Variants in TSPAN1 observed in about 807,000 individuals in gnomAD.
TSPAN1 encodes the protein tetraspanin 1.
A neutral mutation model predicts 26.9 loss-of-function variants in TSPAN1; 23 were observed. That is an observed-to-expected ratio of 0.85 (90% CI 0.62 to 1.21). The LOEUF is 1.21. Ranked by LOEUF, TSPAN1 falls within the 50% of genes most tolerant of loss-of-function variation. TSPAN1 has a pLI of 0.00. For missense variants in TSPAN1, 283 were observed against 298.4 expected, an observed-to-expected ratio of 0.95 and a Z score of 0.38; for synonymous variants, 115 against 114.8, an observed-to-expected ratio of 1.00 and a Z score of -0.01.
chr1:46,194,615 G>A, the TSPAN1 span: 1 of 1,614,102 alleles, frequency 6.2e-7, no homozygotes, highest in African/African-American at 1.3e-5. Flanking sequence ...GGAAGAGAGG[G>A]CAGGTGATTT....
At chr1:46,194,820 G>C in the TSPAN1 span, 20 of 1,613,784 alleles carry the variant, frequency 1.2e-5, no homozygotes, top group Admixed American at 3.2e-4. Flanking sequence ...ATACTACAGA[G>C]TGGATGGCCT....
chr1:46,195,886 T>C, the TSPAN1 span: 1 of 1,613,472 alleles, frequency 6.2e-7, no homozygotes, highest in East Asian at 2.2e-5. Flanking sequence ...CCTCATGAGG[T>C]GAGTACGTGT....
the TSPAN1 span, chr1:46,195,853 G>A: frequency 1.3e-5 from 21 of 1,612,010 alleles, no homozygotes; most frequent in East Asian, 4.7e-4. Flanking sequence ...CTACCATGTT[G>A]AGGAATAGCA....
chr1:46,190,041 G>A (rs560169114), downstream of TSPAN1: 5 of 1,604,686 alleles, frequency 3.1e-6, no homozygotes, highest in East Asian at 6.7e-5. Context: ...CTTCATGGGT[G>A]TGTCCCACAG....
rs973140005 is a variant in TSPAN1 at position 46,185,501 on chromosome 1, G to T, written c.694G>T (p.Val232Leu). 1.1e-5 allele frequency: 17 copies of T among 1,614,060 alleles called. No individual in the cohort carries two copies. Among genetic ancestry groups the T allele is most frequent in the Non-Finnish European group, 1.4e-5 (17 of 1,180,040 alleles). ...CCCTCTCCAGCTGGCTGCCATGATTGTGTCCATGTATCTGTACTGCAATCT... is the reference window on the plus strand; with the variant it reads ...CCCTCTCCAGCTGGCTGCCATGATTTTGTCCATGTATCTGTACTGCAATCT... ...IGGLELAAMI[V>L]SMYLYCNLQ The change falls in exon 9 of 9, where the codon GTG becomes TTG. Residue 232 changes from valine (V) to leucine (L), a missense_variant. By Grantham distance (32) the Val-to-Leu change is conservative (BLOSUM62 1). Coordinates refer to ENST00000372003, the MANE Select transcript of TSPAN1 (RefSeq NM_005727.4).
Position 46,175,418 on chromosome 1 carries a change from T to C in TSPAN1, c.-142+9T>C, listed in dbSNP as rs148897854. ...CACTGAAGCCTTTCCCTGTAAGTAT[T>C]CAGCCATAACCCTCCCCTCACGCCC... On this transcript the variant is annotated intron_variant, in intron 1 of 8. Transcript: ENST00000372003. The C allele has an allele frequency of 1.2e-3, 460 of 393,410 alleles. 6 individuals are homozygous for C. The East Asian group carries it at 0.016, about 14-fold the overall frequency. The allele number at this position is 393,410 out of a possible 1,614,324, so 24.4% of individuals were successfully genotyped here.
chr1:46,189,657 C>A, downstream of TSPAN1: 1 of 1,555,424 alleles, frequency 6.4e-7, no homozygotes, highest in Non-Finnish European at 8.7e-7. Context: ...CCCACCCCTC[C>A]TCAGAAACCA....
intron 1 of TSPAN1, chr1:46,176,581 G>T: frequency 7.5e-7 from 1 of 1,333,988 alleles, no homozygotes; most frequent in Non-Finnish European, 1.0e-6. Context: ...ATTACAAGTC[G>T]TGGGCCCTGG....
chr1:46,182,286 C>A, intron 3 of TSPAN1, among the ~76,000 whole-genome samples: 1 of 7,228 alleles, frequency 1.4e-4, no homozygotes, highest in African/African-American at 1.9e-4. Flanking sequence ...CTGGGAAACC[C>A]AATTTATTAG....
chr1:46,194,616 C>T, the TSPAN1 span: 5 of 1,614,068 alleles, frequency 3.1e-6, no homozygotes, highest in Admixed American at 8.3e-5. Flanking sequence ...GAAGAGAGGG[C>T]AGGTGATTTA....
At chr1:46,192,721 A>G in the TSPAN1 span, 1 of 1,597,316 alleles carries the variant, frequency 6.3e-7, no homozygotes, top group East Asian at 2.2e-5. Flanking sequence ...CCAAATCCCC[A>G]CTGTCTCCAT....
At position 46,184,217 on chromosome 1, in the gene TSPAN1, G is replaced by A. The variant is rs778049487; in HGVS notation, c.84G>A (p.Val28=). The A allele has an allele frequency of 1.2e-6, 2 of 1,614,190 alleles. No homozygotes were observed. The highest frequency in any genetic ancestry group is 2.2e-5 in the South Asian group (2 of 91,074). The change falls in exon 4 of 9, where the codon GTG becomes GTA. Residue 28 remains valine, a synonymous_variant. Coordinates refer to ENST00000372003, the MANE Select transcript of TSPAN1 (RefSeq NM_005727.4). ...IFLCGAALLA[V]GIWVSIDGAS... is the part of the protein sequence containing the mutation. Reference sequence around the variant, plus strand: ...TGTGTGGTGCAGCCCTGTTGGCAGTGGGCATCTGGGTGTCAATCGATGGGG... The same window carrying A: ...TGTGTGGTGCAGCCCTGTTGGCAGTAGGCATCTGGGTGTCAATCGATGGGG...
intron 1 of TSPAN1, among the ~76,000 whole-genome samples, chr1:46,180,315 C>T (rs867017501): frequency 1.3e-5 from 2 of 152,180 alleles, no homozygotes; most frequent in Non-Finnish European, 2.9e-5. Context: ...TCTGGGAAGC[C>T]ACTTGCCCCA....
chr1:46,193,157 G>A, the TSPAN1 span: 3 of 1,613,980 alleles, frequency 1.9e-6, no homozygotes, highest in South Asian at 1.1e-5. Flanking sequence ...CCCAAGAGTT[G>A]TATCCTTAGT....
the TSPAN1 span, chr1:46,194,651 C>G: frequency 6.2e-7 from 1 of 1,614,250 alleles, no homozygotes; most frequent in Non-Finnish European, 8.5e-7. Flanking sequence ...GAAGACAGGA[C>G]CTGGCAGGAG....
At chr1:46,194,632 T>C in the TSPAN1 span, 1 of 1,614,182 alleles carries the variant, frequency 6.2e-7, no homozygotes, top group Non-Finnish European at 8.5e-7. Context: ...ATTTAGAATG[T>C]TTCTCCCCGA....
chr1:46,186,898 G>A (rs1657444858), downstream of TSPAN1, among the ~76,000 whole-genome samples: 1 of 151,956 alleles, frequency 6.6e-6, no homozygotes, highest in African/African-American at 2.4e-5. Context: ...TCCTGACCTC[G>A]TGATCCACTC....
the TSPAN1 span, chr1:46,195,674 T>G: frequency 1.2e-6 from 1 of 823,134 alleles, no homozygotes; most frequent in East Asian, 2.7e-5. Context: ...ATACAAATGT[T>G]AAGGCTGAGA....
intron 1 of TSPAN1, chr1:46,176,155 A>T (rs12030928): frequency 1.3e-6 from 2 of 1,505,362 alleles, no homozygotes; most frequent in South Asian, 1.2e-5. Context: ...GATTACAGGC[A>T]TGAGCCACCG....
Sources: allele counts gnomAD v4.1 joint callset (sites outside exome capture counted in the v4.1 genomes callset), GRCh38; gene constraint gnomAD v4.1.1; transcripts MANE v1.5; gene names NCBI Gene and HGNC (gene_info 2026-07-23, HGNC 2026-07-21).